MAK: variants seen among roughly 807,000 people sequenced by gnomAD.
MAK encodes male germ cell associated kinase.
Under a neutral mutation model 82.6 loss-of-function variants are expected in MAK, and 65 were observed. The observed-to-expected ratio is 0.79, with a 90% CI of 0.64 to 0.97. The LOEUF (loss-of-function observed/expected upper bound fraction) is 0.97. Ranked by LOEUF, MAK falls within the 50% of genes least tolerant of loss-of-function variation. MAK has a pLI of 0.00. For missense variants in MAK, 703 were observed against 780.2 expected (o/e 0.90, Z 1.18); for synonymous variants, 250 against 274.2 (o/e 0.91, Z 0.87).
chr6:10,818,984 TCAAAGACA>T (rs1777714889), intron 2 of MAK, 44 bp from the exon 3 acceptor site: 7 of 1,076,814 alleles, frequency 6.5e-6, no homozygotes, highest in Non-Finnish European at 8.6e-6. Context: ...GATTGAGGAT[TCAAAGACA>T]CACATTACAC....
At chr6:10,775,930 A>G (rs985707372) in intron 11 of MAK, among the ~76,000 whole-genome samples, 17 of 152,118 alleles carry the variant, frequency 1.1e-4, no homozygotes, top group African/African-American at 3.9e-4. Context: ...CTGGGATTAC[A>G]GGCACCCACC....
chr6:10,764,381 A>C lies in MAK; in HGVS notation c.*71T>G, dbSNP rs1772199142. 2 of 1,513,552 alleles carry C rather than the reference A, an allele frequency of 1.3e-6. No homozygotes were observed. The highest frequency in any genetic ancestry group is 2.8e-5 in the African/African-American group (2 of 72,702). The allele number at this position is 1,513,552 out of a possible 1,614,324, so 93.8% of individuals were successfully genotyped here. On this transcript the variant is annotated 3_prime_UTR_variant, in exon 15 of 15. Transcript: ENST00000354489. ...ACTCAGTAGAAATAGACATTTGTAG[A>C]CATTTCCCAGGGTCAAGGAACTTGC...
intron 6 of MAK, among the ~76,000 whole-genome samples, chr6:10,804,415 T>G (rs896147938): frequency 1.3e-5 from 2 of 152,200 alleles, no homozygotes; most frequent in Non-Finnish European, 2.9e-5. Flanking sequence ...CGGTCCCGGC[T>G]CACTGCAACC....
At chr6:10,783,890 G>C (rs915919081) in intron 11 of MAK, among the ~76,000 whole-genome samples, 1 of 152,022 alleles carries the variant, frequency 6.6e-6, no homozygotes, top group Non-Finnish European at 1.5e-5. Flanking sequence ...GTGGTGGCTC[G>C]CACCTGTAGT....
At position 10,793,018 on chromosome 6, in the gene MAK, T is replaced by C. The variant is rs892634665; in HGVS notation, c.1144-1171A>G. Among the ~76,000 whole-genome samples, 2 of 152,096 alleles carry C rather than the reference T, an allele frequency of 1.3e-5. No homozygotes were observed. The highest frequency in any genetic ancestry group is 2.4e-5 in the African/African-American group (1 of 41,432). ...ATCAGTGATATGCAAGAATCTGGTA[T>C]GGCTGAGAAGACTGGAAAGGGGCAA... is the stretch of plus-strand genomic sequence containing the variant. On this transcript the variant is annotated intron_variant, in intron 9 of 14. Transcript: ENST00000354489. This position sits in a 1 kb window ranked among gnomAD's most constrained non-coding sequence, Gnocchi z 4.6.
chr6:10,822,867 T>G (rs191850751), intron 2 of MAK, among the ~76,000 whole-genome samples: 10 of 152,304 alleles, frequency 6.6e-5, no homozygotes, highest in Non-Finnish European at 1.2e-4. Context: ...GGAATCTTTC[T>G]ACCATCCTCT....
rs528061300 is a variant in MAK at position 10,773,950 on chromosome 6, C to T, written c.1598-842G>A. 1.6e-3 allele frequency among the ~76,000 whole-genome samples: 248 copies of T among 152,132 alleles called. 1 individual carries two copies. The highest frequency in any genetic ancestry group is 5.2e-3 in the African/African-American group (214 of 41,508). On this transcript the variant is annotated intron_variant, in intron 12 of 14. Transcript: ENST00000354489. ...TCCGGACCTTGTGATTCGCCCACCT[C>T]GGCCTCCCAAAGTGCTGGGATTACA...
intron 8 of MAK, chr6:10,797,830 C>G (rs1775683521): frequency 1.6e-6 from 2 of 1,283,198 alleles, no homozygotes; most frequent in Non-Finnish European, 2.0e-6. Flanking sequence ...CTTAACCAAC[C>G]TCTCTCCCTA....
At chr6:10,779,542 G>A (rs1773771143) in intron 11 of MAK, 1 of 946,710 alleles carries the variant, frequency 1.1e-6, no homozygotes, top group Admixed American at 6.2e-5. Flanking sequence ...AATCCTAAAA[G>A]TCGATGCTTA....
At chr6:10,811,670 T>A (rs553956753) in intron 5 of MAK, among the ~76,000 whole-genome samples, 13 of 152,350 alleles carry the variant, frequency 8.5e-5, no homozygotes, top group African/African-American at 2.9e-4. Context: ...ACATTACTGC[T>A]GTTTGCCAAT....
chr6:10,818,120 ATTGCT>A, intron 3 of MAK, 149 bp from the exon 4 acceptor site: 1 of 490,634 alleles, frequency 2.0e-6, no homozygotes, highest in East Asian at 3.9e-5. Context: ...TATCTACATA[ATTGCT>A]TTAAGTAATG....
At chr6:10,768,232 C>G (rs1201714386) in intron 14 of MAK, among the ~76,000 whole-genome samples, 1 of 151,968 alleles carries the variant, frequency 6.6e-6, no homozygotes, top group Non-Finnish European at 1.5e-5. Context: ...GAGTAGATAC[C>G]TAGGTAACAA....
At chr6:10,795,588 C>CA (rs1431676381) in intron 9 of MAK, among the ~76,000 whole-genome samples, 2 of 151,640 alleles carry the variant, frequency 1.3e-5, no homozygotes, top group Non-Finnish European at 2.9e-5. Flanking sequence ...ACTAAAAATA[C>CA]AAAAAAATAT....
At chr6:10,801,761 G>T in intron 8 of MAK, 131 bp downstream of exon 8, 1 of 781,954 alleles carries the variant, frequency 1.3e-6, no homozygotes, top group Non-Finnish European at 2.2e-6. Flanking sequence ...TACGCTGGAT[G>T]CCTAGGACTT....
At chr6:10,826,251 C>A (rs1007528254) in intron 2 of MAK, among the ~76,000 whole-genome samples, 14 of 151,470 alleles carry the variant, frequency 9.2e-5, no homozygotes, top group African/African-American at 3.4e-4. Context: ...CCCACCCCCC[C>A]TTTTAAAAAA....
At chr6:10,819,090 C>T (rs1777724269) in intron 2 of MAK, 150 bp from the exon 3 acceptor site, 3 of 646,666 alleles carry the variant, frequency 4.6e-6, no homozygotes, top group Non-Finnish European at 5.6e-6. Context: ...CCTCCTATAC[C>T]TCAAGGCTAC....
chr6:10,802,337 GCT>G (rs895335448), intron 7 of MAK: 11 of 364,718 alleles, frequency 3.0e-5, no homozygotes, highest in African/African-American at 2.3e-4. Flanking sequence ...ACAGGATCTG[GCT>G]CTGTTATCCA....
chr6:10,834,918 G>A (rs560869), intron 1 of MAK, among the ~76,000 whole-genome samples: 33 of 152,234 alleles, frequency 2.2e-4, no homozygotes, highest in Non-Finnish European at 3.5e-4. Flanking sequence ...CTAGGGGACC[G>A]GGCAGCACAC....
chr6:10,779,154 AGAAGT>A (rs1333809422), intron 11 of MAK, among the ~76,000 whole-genome samples: 1 of 150,146 alleles, frequency 6.7e-6, no homozygotes, highest in African/African-American at 2.5e-5. Flanking sequence ...AAAAAAAAAA[AGAAGT>A]GCTATGGAGT....
Sources: allele counts gnomAD v4.1 joint callset (sites outside exome capture counted in the v4.1 genomes callset), GRCh38; gene constraint gnomAD v4.1.1; non-coding constraint Gnocchi (gnomAD v3.1); transcripts MANE v1.5; gene names NCBI Gene and HGNC (gene_info 2026-07-23, HGNC 2026-07-21).